PTPRD: variants seen among roughly 807,000 people sequenced by gnomAD.
PTPRD encodes protein tyrosine phosphatase receptor type D.
Under a neutral mutation model 214.5 loss-of-function variants are expected in PTPRD, and 34 were observed. That is an observed-to-expected ratio of 0.16 (90% CI 0.12 to 0.21). The LOEUF (loss-of-function observed/expected upper bound fraction) is 0.21, where lower values mean the gene tolerates loss of function less well. Among genes scored for constraint, PTPRD ranks in the 10% least tolerant of loss-of-function variants. The pLI is 1.00. For synonymous variants in PTPRD, 1,128 were observed against 845.7 expected, an observed-to-expected ratio of 1.33 and a Z score of -5.79; for missense variants, 2,545 against 2,398.7, an observed-to-expected ratio of 1.06 and a Z score of -1.27.
chr9:8,536,226 T>A (rs1385111574), intron 14 of PTPRD, among the ~76,000 whole-genome samples: 1 of 151,980 alleles, frequency 6.6e-6, no homozygotes. Flanking sequence ...ATCTTCATCA[T>A]GTAGTGATGA....
intron 3 of PTPRD, among the ~76,000 whole-genome samples, chr9:10,038,952 C>A (rs1285198686): frequency 2.0e-5 from 3 of 152,076 alleles, no homozygotes; most frequent in Non-Finnish European, 4.4e-5. Context: ...AATCTCTGAC[C>A]TTGATTCCAA....
chr9:8,630,868 T>C (rs898430602), intron 14 of PTPRD, among the ~76,000 whole-genome samples: 4 of 151,908 alleles, frequency 2.6e-5, no homozygotes, highest in African/African-American at 9.7e-5. Flanking sequence ...CTTCATTGGA[T>C]GCATAAAGAT....
chr9:9,914,576 C>T (rs1327168977), intron 5 of PTPRD, among the ~76,000 whole-genome samples: 1 of 152,200 alleles, frequency 6.6e-6, no homozygotes, highest in Non-Finnish European at 1.5e-5. Context: ...GCCAGGCTGG[C>T]TGAACAGCTG....
At chr9:9,900,764 G>A (rs2153807608) in intron 5 of PTPRD, among the ~76,000 whole-genome samples, 1 of 151,736 alleles carries the variant, frequency 6.6e-6, no homozygotes, top group East Asian at 1.9e-4. Flanking sequence ...AGCCTCCCGA[G>A]TAGCTGGAAC....
rs765394644 is a variant in PTPRD, at chr9:8,668,297, A to G, written c.65-31453T>C. On this transcript the variant is annotated intron_variant, in intron 12 of 45. Transcript: ENST00000381196. ...ATCATAATTATTCTTCTAACCTAAA[A>G]GAGGCTTTAATTAGATGTTCAAAAA... Among the ~76,000 whole-genome samples the G allele has an allele frequency of 6.6e-5, 10 of 152,344 alleles. No homozygotes were observed. In the Middle Eastern group the frequency reaches 0.017, roughly 259 times the overall value.
At chr9:10,278,162 C>CAAAAAAAAAAAAAAA (rs1564968775) in intron 3 of PTPRD, among the ~76,000 whole-genome samples, 1 of 146,052 alleles carries the variant, frequency 6.8e-6, no homozygotes, top group Non-Finnish European at 1.5e-5. Flanking sequence ...TCTCAAAAAA[C>CAAAAAAAAAAAAAAA]AAAACAAAAC....
intron 2 of PTPRD, among the ~76,000 whole-genome samples, chr9:10,394,927 A>T (rs2098138261): frequency 6.7e-6 from 1 of 150,292 alleles, no homozygotes. Context: ...TACTGAATCA[A>T]CTTATGTGTT....
intron 8 of PTPRD, among the ~76,000 whole-genome samples, chr9:9,557,031 G>C (rs981385878): frequency 6.6e-6 from 1 of 152,156 alleles, no homozygotes; most frequent in Non-Finnish European, 1.5e-5. Flanking sequence ...ACAGAATGCT[G>C]ATTCATTATT....
intron 10 of PTPRD, among the ~76,000 whole-genome samples, chr9:9,158,214 G>C (rs553580881): frequency 3.3e-5 from 5 of 152,134 alleles, no homozygotes; most frequent in Non-Finnish European, 7.4e-5. Context: ...TTATATTCCT[G>C]GCTATGTGGC....
intron 9 of PTPRD, among the ~76,000 whole-genome samples, chr9:9,270,354 T>C (rs903219264): frequency 3.3e-5 from 5 of 151,344 alleles, no homozygotes; most frequent in Non-Finnish European, 7.4e-5. Flanking sequence ...GACAAGAATG[T>C]AGAGAAAGCC....
intron 2 of PTPRD, among the ~76,000 whole-genome samples, chr9:10,418,147 A>G (rs1313423875): frequency 4.0e-5 from 6 of 151,872 alleles, no homozygotes; most frequent in Non-Finnish European, 7.4e-5. Context: ...AGTGAAAATA[A>G]AGAAGCATAA....
chr9:10,551,017 C>T (rs117834742), intron 2 of PTPRD, among the ~76,000 whole-genome samples: 6 of 152,140 alleles, frequency 3.9e-5, no homozygotes, highest in Admixed American at 3.9e-4. Context: ...AGCATGGAGA[C>T]TTTGACACAA....
At chr9:10,008,362 A>G (rs2096531415) in intron 4 of PTPRD, among the ~76,000 whole-genome samples, 1 of 151,962 alleles carries the variant, frequency 6.6e-6, no homozygotes, top group Non-Finnish European at 1.5e-5. Context: ...TCCTGATGAG[A>G]GACCACCAAC....
At chr9:10,337,141 G>C (rs12380295) in intron 3 of PTPRD, among the ~76,000 whole-genome samples, 13,465 of 151,560 alleles carry the variant, frequency 0.089, 773 homozygotes, top group Non-Finnish European at 0.12. Flanking sequence ...TTCTAAAATC[G>C]AGTGGCCCAA....
intron 35 of PTPRD, among the ~76,000 whole-genome samples, chr9:8,418,906 G>A (rs2094149496): frequency 1.3e-5 from 2 of 152,026 alleles, no homozygotes; most frequent in Non-Finnish European, 2.9e-5. Flanking sequence ...GCAAATTTGA[G>A]TAAATATACC....
At chr9:8,943,452 G>C (rs928769853) in intron 11 of PTPRD, among the ~76,000 whole-genome samples, 5 of 151,856 alleles carry the variant, frequency 3.3e-5, no homozygotes, top group Non-Finnish European at 7.4e-5. Context: ...ACAGAACAGA[G>C]AACCCAGAAA....
intron 2 of PTPRD, among the ~76,000 whole-genome samples, chr9:10,381,479 T>A (rs2097824066): frequency 6.6e-6 from 1 of 151,962 alleles, no homozygotes; most frequent in Non-Finnish European, 1.5e-5. Flanking sequence ...GTCAAACAGA[T>A]TTTCAGAGAT....
chr9:8,422,449 G>A (rs1194494154), intron 35 of PTPRD, among the ~76,000 whole-genome samples: 1 of 152,042 alleles, frequency 6.6e-6, no homozygotes, highest in African/African-American at 2.4e-5. Context: ...TTTATCTAGG[G>A]AGTCTACTTA....
At chr9:9,022,757 G>C (rs1289794750) in intron 10 of PTPRD, among the ~76,000 whole-genome samples, 1 of 152,158 alleles carries the variant, frequency 6.6e-6, no homozygotes, top group Non-Finnish European at 1.5e-5. Context: ...CATGTGCATG[G>C]AATATGAAGA....
Sources: allele counts gnomAD v4.1 joint callset (sites outside exome capture counted in the v4.1 genomes callset), GRCh38; gene constraint gnomAD v4.1.1; transcripts MANE v1.5; gene names NCBI Gene and HGNC (gene_info 2026-07-23, HGNC 2026-07-21).